IFNAR1: variants seen among roughly 807,000 people sequenced by gnomAD.
IFNAR1 encodes the protein interferon alpha and beta receptor subunit 1.
A neutral mutation model predicts 62.1 loss-of-function variants in IFNAR1; 47 were observed. The observed-to-expected ratio is 0.76, with a 90% CI of 0.60 to 0.97. IFNAR1 has a LOEUF of 0.97. IFNAR1 is among the 50% of genes least tolerant of loss of function. IFNAR1 has a pLI of 0.00. For missense variants in IFNAR1, 638 were observed against 654.5 expected (o/e 0.97, Z 0.27); for synonymous variants, 219 against 226.9 (o/e 0.97, Z 0.31).
At chr21:33,335,004 T>C (rs139981150) in intron 1 of IFNAR1, 55 of 1,524,832 alleles carry the variant, frequency 3.6e-5, no homozygotes, top group Non-Finnish European at 4.4e-5. Context: ...GGCAGGTGAC[T>C]CTTCCTGGCA....
chr21:33,343,516 A>C lies in IFNAR1; in HGVS notation c.532-19A>C. The C allele has an allele frequency of 6.5e-7, 1 of 1,536,664 alleles. No individual in the cohort carries two copies. The highest frequency in any genetic ancestry group is 1.4e-5 in the African/African-American group (1 of 72,622). On this transcript the variant is annotated intron_variant, in intron 4 of 10. Transcript: ENST00000270139. ...GACTTTATACTTTTTTAAAGAACCAACTTATATTTGTGTTATAGGAAAGGA... is the reference window on the plus strand; with the variant it reads ...GACTTTATACTTTTTTAAAGAACCACCTTATATTTGTGTTATAGGAAAGGA...
chr21:33,348,120 T>C (rs1221764152), intron 6 of IFNAR1, among the ~76,000 whole-genome samples: 1 of 152,224 alleles, frequency 6.6e-6, no homozygotes, highest in Non-Finnish European at 1.5e-5. Flanking sequence ...TGTTGGTTTC[T>C]GGGCAAGTTA....
intron 1 of IFNAR1, chr21:33,334,848 C>T (rs2083217851): frequency 5.6e-6 from 6 of 1,069,704 alleles, no homozygotes; most frequent in Non-Finnish European, 7.2e-6. Flanking sequence ...GGTGATATCA[C>T]CAGTTATGAT....
Position 33,349,557 on chromosome 21 carries a change from ATAGTATAATTTTGTAACT to A in IFNAR1, c.1143+18_1143+35del. On this transcript the variant is annotated intron_variant, in intron 8 of 10. Transcript: ENST00000270139. ...TCAAATGCTGAGGTAAAAAGACTGT[ATAGTATAATTTTGTAACT>A]TAGAGTTATAATTATGATTTGGGTA... The A allele has an allele frequency of 1.3e-6, 2 of 1,535,190 alleles. No homozygotes were observed. Among genetic ancestry groups the A allele is most frequent in the Non-Finnish European group, 1.8e-6 (2 of 1,125,340 alleles).
intron 9 of IFNAR1, 135 bp downstream of exon 9, chr21:33,353,043 C>G: frequency 3.7e-6 from 2 of 541,576 alleles, no homozygotes; most frequent in Non-Finnish European, 6.0e-6. Context: ...TCTTCATGAA[C>G]TACATGAATC....
intron 5 of IFNAR1, among the ~76,000 whole-genome samples, chr21:33,344,161 GAA>G (rs576952200): frequency 2.0e-5 from 3 of 146,360 alleles, no homozygotes; most frequent in African/African-American, 7.5e-5. Flanking sequence ...CTCCGTCTTA[GAA>G]AAAAAAAAAA....
chr21:33,343,873 A>G (rs2083318626), intron 5 of IFNAR1, among the ~76,000 whole-genome samples, 197 bp downstream of exon 5: 1 of 152,374 alleles, frequency 6.6e-6, no homozygotes, highest in African/African-American at 2.4e-5. Context: ...TTAAAAGTTC[A>G]GGCTGGGCGT....
At chr21:33,351,557 T>A (rs144910940) in intron 8 of IFNAR1, among the ~76,000 whole-genome samples, 2,986 of 149,506 alleles carry the variant, frequency 0.02, 79 homozygotes, top group East Asian at 0.13. Flanking sequence ...ATTTTATTTT[T>A]TTTTTTTTTG....
rs1249125490 is a variant in IFNAR1 at position 33,325,132 on chromosome 21, G to T, written c.76+1G>T. The T allele has an allele frequency of 2.5e-6, 4 of 1,610,662 alleles. No individual in the cohort carries two copies. In the South Asian group the frequency reaches 4.4e-5, roughly 18 times the overall value. On this transcript the variant is annotated splice_donor_variant, in intron 1 of 10. Coordinates refer to ENST00000270139, the MANE Select transcript of IFNAR1 (RefSeq NM_000629.3). LOFTEE classifies it high-confidence loss of function. ...CCATGGGTGTTGTCCGCAGCCGCAGGTGAGAGGCGGGGAGGAGAGTCTTGG... is the reference window on the plus strand; with the variant it reads ...CCATGGGTGTTGTCCGCAGCCGCAGTTGAGAGGCGGGGAGGAGAGTCTTGG...
Position 33,355,613 on chromosome 21 carries a change from C to T in IFNAR1, c.*64C>T, listed in dbSNP as rs1324923899. On this transcript the variant is annotated 3_prime_UTR_variant, in exon 11 of 11. Transcript: ENST00000270139. ...GGAGTTACACTGGGAGCCTGAGGTCCTCACCTTCCTCTCAGTAACTACAGA... is the reference window on the plus strand; with the variant it reads ...GGAGTTACACTGGGAGCCTGAGGTCTTCACCTTCCTCTCAGTAACTACAGA... 2 of 789,936 alleles carry T rather than the reference C, an allele frequency of 2.5e-6. No individual in the cohort carries two copies. Among genetic ancestry groups the T allele is most frequent in the South Asian group, 1.9e-5 (1 of 51,378 alleles). The allele number at this position is 789,936 out of a possible 1,614,324, so 48.9% of individuals were successfully genotyped here.
At position 33,358,593 on chromosome 21, in the gene IFNAR1, T is replaced by C. The variant is rs539395925; in HGVS notation, c.*3044T>C. The C allele has an allele frequency of 6.8e-4, 104 of 152,222 alleles. No individual in the cohort carries two copies. The highest frequency in any genetic ancestry group is 2.5e-3 in the African/African-American group (102 of 41,544). 9.4% of individuals were successfully genotyped at this position (152,222 alleles called of 1,614,324 possible). On this transcript the variant is annotated 3_prime_UTR_variant, in exon 11 of 11. Transcript: ENST00000270139. ...AGGTCTTATTCCTTTAGTATGGACT[T>C]AAAGTACTTATTCATATACCTTGTA...
intron 1 of IFNAR1, among the ~76,000 whole-genome samples, chr21:33,329,192 C>A (rs923188891): frequency 6.6e-6 from 1 of 152,078 alleles, no homozygotes; most frequent in African/African-American, 2.4e-5. Flanking sequence ...CTATTCTTGT[C>A]TCAAGGCCCA....
At chr21:33,333,978 T>C (rs2083208062) in intron 1 of IFNAR1, among the ~76,000 whole-genome samples, 2 of 152,066 alleles carry the variant, frequency 1.3e-5, no homozygotes, top group African/African-American at 4.8e-5. Flanking sequence ...ATTGAAGGGA[T>C]GGAAAAAGTT....
At chr21:33,343,060 A>T (rs1417824217) in intron 3 of IFNAR1, among the ~76,000 whole-genome samples, 5 of 152,040 alleles carry the variant, frequency 3.3e-5, no homozygotes, top group Non-Finnish European at 4.4e-5. Context: ...CCAACTTTTC[A>T]GTGTTAGACT....
At chr21:33,328,926 A>C (rs536098046) in intron 1 of IFNAR1, among the ~76,000 whole-genome samples, 4 of 152,254 alleles carry the variant, frequency 2.6e-5, no homozygotes, top group African/African-American at 9.6e-5. Flanking sequence ...GTAAATTAAT[A>C]TATTGTATGT....
chr21:33,339,983 T>C (rs1299629756), intron 2 of IFNAR1, among the ~76,000 whole-genome samples: 13 of 151,540 alleles, frequency 8.6e-5, no homozygotes, highest in Admixed American at 6.6e-4. Flanking sequence ...ATCCCTCACT[T>C]TCCCTGCAAG....
chr21:33,359,425 G>A lies in IFNAR1; in HGVS notation c.*3876G>A, dbSNP rs1347581061. The stretch of plus-strand genomic sequence containing the variant: ...TGTGCTTGGTGTTCCAGAGCCCAGG[G>A]TTGAGCATCCTGAAGGAGCCACTGC... On this transcript the variant is annotated 3_prime_UTR_variant, in exon 11 of 11. Coordinates refer to ENST00000270139, the MANE Select transcript of IFNAR1 (RefSeq NM_000629.3). 6.6e-6 allele frequency: 1 copy of A among 152,174 alleles called. No individual in the cohort carries two copies. Among genetic ancestry groups the A allele is most frequent in the African/African-American group, 2.4e-5 (1 of 41,432 alleles). The allele number at this position is 152,174 out of a possible 1,614,324, so 9.4% of individuals were successfully genotyped here.
chr21:33,334,598 G>T (rs1004474797), intron 1 of IFNAR1: 39 of 604,372 alleles, frequency 6.5e-5, no homozygotes, highest in South Asian at 1.5e-5. Context: ...AAGGTGAAAT[G>T]AAAGGGCACT....
intron 1 of IFNAR1, among the ~76,000 whole-genome samples, chr21:33,328,121 G>GT (rs910138846): frequency 1.4e-4 from 22 of 152,030 alleles, no homozygotes; most frequent in African/African-American, 5.3e-4. Flanking sequence ...TTTTCTTTCT[G>GT]TTTTTTTGTT....
Sources: gnomAD v4.1 joint callset for allele counts (sites outside exome capture counted in the v4.1 genomes callset) on GRCh38, gnomAD v4.1.1 for gene constraint, MANE v1.5 for transcripts, NCBI Gene and HGNC (gene_info 2026-07-23, HGNC 2026-07-21) for gene names.